The following UNC13A variants were observed in gnomAD, a reference collection of about 807,000 sequenced individuals.
The protein encoded by UNC13A is unc-13 homolog A, also known as protein unc-13 homolog A.
A neutral mutation model predicts 219.7 loss-of-function variants in UNC13A; 61 were observed. The ratio of observed to expected loss-of-function variants is 0.28; its 90% CI spans 0.23 to 0.34. UNC13A has a LOEUF of 0.34. Among genes scored for constraint, UNC13A ranks in the 10% least tolerant of loss-of-function variants. The probability of loss-of-function intolerance (pLI) is 1.00; values close to 1 mark genes in which losing one functional copy is unlikely to be tolerated. For missense variants in UNC13A, 1,476 were observed against 2,270.3 expected (o/e 0.65, Z 7.11); for synonymous variants, 920 against 884.6 (o/e 1.04, Z -0.71).
chr19:17,666,918 G>GAGAA (rs1311853996), intron 6 of UNC13A, among the ~76,000 whole-genome samples: 1 of 25,346 alleles, frequency 3.9e-5, no homozygotes, highest in East Asian at 6.5e-4. Context: ...GAGAAAGACA[G>GAGAA]AGACAGAGAC....
chr19:17,647,511 G>C lies in UNC13A; in HGVS notation c.1817-19C>G. The C allele has an allele frequency of 6.2e-7, 1 of 1,606,944 alleles. No homozygotes were observed. Among genetic ancestry groups the C allele is most frequent in the Non-Finnish European group, 8.5e-7 (1 of 1,178,440 alleles). On this transcript the variant is annotated intron_variant, in intron 16 of 43. Coordinates refer to ENST00000519716, the MANE Select transcript of UNC13A (RefSeq NM_001080421.3). ...GCAGCCCCTGAGGACGCCCGAGGCC[G>C]GCGCTGACCCCAGCGCGCCCTGCAT...
Position 17,660,567 on chromosome 19 carries a change from T to C in UNC13A, c.560-2298A>G, listed in dbSNP as rs185588161. Among the ~76,000 whole-genome samples, 556 of 149,816 alleles carry C rather than the reference T, an allele frequency of 3.7e-3. 2 individuals carry two copies. Among genetic ancestry groups the C allele is most frequent in the Non-Finnish European group, 6.9e-3 (464 of 67,574 alleles). On this transcript the variant is annotated intron_variant, in intron 8 of 43. Transcript: ENST00000519716. ...TTTTTTTTGAGACAGAGTCTCGCTC[T>C]GTCACCCAGGCTGGAGTGCAATGGT...
Position 17,656,062 on chromosome 19 carries a change from C to T in UNC13A, c.1104G>A (p.Glu368=), listed in dbSNP as rs1439674542. Residue 368 remains glutamate, a synonymous_variant, in exon 10 of 44, where the codon GAG becomes GAA. Transcript: ENST00000519716. ...GGCTGATGCGTTTGAAGTCTTTGGG[C>T]TCAGCCACAGCTACGTCTTCACGCT... ...YAQREDVAVA[E]PKDFKRISLP... 2 of 1,555,888 alleles carry T rather than the reference C, an allele frequency of 1.3e-6. No homozygotes were observed. Among genetic ancestry groups the T allele is most frequent in the African/African-American group, 2.7e-5 (2 of 73,342 alleles).
chr19:17,619,209 C>A (rs1030484833), intron 38 of UNC13A, among the ~76,000 whole-genome samples: 1 of 152,128 alleles, frequency 6.6e-6, no homozygotes, highest in Non-Finnish European at 1.5e-5. Flanking sequence ...ACAGGAGAAA[C>A]AGACAGGGAC....
chr19:17,620,812 C>A (rs553375526), intron 37 of UNC13A, 90 bp from the exon 38 acceptor site: 1 of 1,472,098 alleles, frequency 6.8e-7, no homozygotes, highest in African/African-American at 1.4e-5. Context: ...AGCACAGTCT[C>A]ACTTCCCAGC....
chr19:17,616,903 G>A (rs1174830128), intron 41 of UNC13A, among the ~76,000 whole-genome samples: 2 of 152,162 alleles, frequency 1.3e-5, no homozygotes, highest in Non-Finnish European at 2.9e-5. Flanking sequence ...TTTTGAAAAG[G>A]GGGGGTCCCC....
chr19:17,666,923 AG>A (rs2079663945), intron 6 of UNC13A, among the ~76,000 whole-genome samples: 1 of 151,890 alleles, frequency 6.6e-6, no homozygotes, highest in South Asian at 2.1e-4. Flanking sequence ...AGACAGAGAC[AG>A]AGACAGAGAC....
Position 17,616,592 on chromosome 19 carries a change from G to A in UNC13A, c.4558+1110C>T, listed in dbSNP as rs74896310. ...GGCAGGGGAGGCGCGGAGAGGGGACGGCGAGTGAGAGGGAGGAAAAACAAG... is the reference window on the plus strand; with the variant it reads ...GGCAGGGGAGGCGCGGAGAGGGGACAGCGAGTGAGAGGGAGGAAAAACAAG... On this transcript the variant is annotated intron_variant, in intron 41 of 43. Transcript: ENST00000519716. 4,389 of 509,160 alleles carry A rather than the reference G, an allele frequency of 8.6e-3. 171 individuals are homozygous for A. The highest frequency in any genetic ancestry group is 0.081 in the African/African-American group (4,010 of 49,686). 31.5% of individuals were successfully genotyped at this position (509,160 alleles called of 1,614,324 possible). A position where few individuals can be genotyped will look rare whatever the true frequency, so the allele number is the denominator to read the frequency against.
intron 36 of UNC13A, 77 bp downstream of exon 36, chr19:17,623,465 G>A: frequency 1.1e-5 from 13 of 1,194,198 alleles, no homozygotes; most frequent in Middle Eastern, 5.5e-4. Flanking sequence ...GTGGGGAGAG[G>A]GGTGCAGCGA....
intron 1 of UNC13A, among the ~76,000 whole-genome samples, chr19:17,676,890 T>C (rs2079909471): frequency 6.6e-6 from 1 of 152,118 alleles, no homozygotes; most frequent in Non-Finnish European, 1.5e-5. Flanking sequence ...GGCAGGCGCC[T>C]ATAGTCTCAG....
At chr19:17,676,551 C>A (rs776040491) in intron 1 of UNC13A, among the ~76,000 whole-genome samples, 1 of 152,118 alleles carries the variant, frequency 6.6e-6, no homozygotes. Context: ...AAGAAGAAGG[C>A]GAGGATAAAG....
intron 28 of UNC13A, among the ~76,000 whole-genome samples, chr19:17,631,328 C>T (rs2076852502): frequency 6.7e-6 from 1 of 150,122 alleles, no homozygotes; most frequent in Admixed American, 6.7e-5. Context: ...TCAAGCAATC[C>T]TCCCACCTCA....
chr19:17,622,599 C>G (rs1330907946), intron 36 of UNC13A: 1 of 153,248 alleles, frequency 6.5e-6, no homozygotes, highest in African/African-American at 2.4e-5. Context: ...GTCTTGCCCA[C>G]AAAGGGAAAA....
In UNC13A at chr19:17,607,600, G is replaced by A. The variant is rs548483787; in HGVS notation, c.4812-1246C>T. On this transcript the variant is annotated intron_variant, in intron 43 of 43. Transcript: ENST00000519716. ...GCCCATAGTTTTTTGTTTTTTTAAA[G>A]ACAGGGTCTCGCTATGTCGGTCACC... 8.7e-5 allele frequency among the ~76,000 whole-genome samples: 12 copies of A among 137,206 alleles called. No individual in the cohort carries two copies. In the East Asian group the frequency reaches 2.8e-3, roughly 32 times the overall value. 90.0% of individuals were successfully genotyped at this position (137,206 alleles called of 152,430 possible).
At chr19:17,677,921 T>C (rs1599415613) in intron 1 of UNC13A, among the ~76,000 whole-genome samples, 1 of 152,110 alleles carries the variant, frequency 6.6e-6, no homozygotes, top group African/African-American at 2.4e-5. Flanking sequence ...CCAAGACAAA[T>C]GGTAGCATTC....
intron 26 of UNC13A, among the ~76,000 whole-genome samples, chr19:17,635,536 G>T (rs2076904532): frequency 6.6e-6 from 1 of 151,998 alleles, no homozygotes; most frequent in Admixed American, 6.6e-5. Context: ...ACACAATATT[G>T]TATATTGTAC....
chr19:17,606,390 A>T, intron 43 of UNC13A, 36 bp from the exon 44 acceptor site: 3 of 1,532,790 alleles, frequency 2.0e-6, no homozygotes, highest in Non-Finnish European at 2.6e-6. Flanking sequence ...GACAGGCCAC[A>T]CCTACTGTGA....
At chr19:17,628,293 A>T in intron 31 of UNC13A, 1 of 304,804 alleles carries the variant, frequency 3.3e-6, no homozygotes. Context: ...CAACAGCCAG[A>T]CAGTGACACA....
At chr19:17,640,467 G>A (rs1232241133) in intron 22 of UNC13A, 44 bp downstream of exon 22, 10 of 1,528,494 alleles carry the variant, frequency 6.5e-6, no homozygotes, top group African/African-American at 1.4e-5. Context: ...CCGGCATAAA[G>A]TTGGGCTCTC....
Sources: allele counts gnomAD v4.1 joint callset (sites outside exome capture counted in the v4.1 genomes callset), GRCh38; gene constraint gnomAD v4.1.1; transcripts MANE v1.5; gene names NCBI Gene and HGNC (gene_info 2026-07-23, HGNC 2026-07-21).